MND1: variants seen among roughly 807,000 people sequenced by gnomAD.
The protein encoded by MND1 is meiotic nuclear divisions 1.
In MND1, 28 loss-of-function variants were observed where a neutral mutation model predicts 35.1. That is an observed-to-expected ratio of 0.80 (90% CI 0.59 to 1.09). MND1 has a LOEUF of 1.09. MND1 is among the 50% of genes least tolerant of loss of function. The pLI is 0.00. For missense variants in MND1, 213 were observed against 239.6 expected, an observed-to-expected ratio of 0.89 and a Z score of 0.73; for synonymous variants, 69 against 70.5, an observed-to-expected ratio of 0.98 and a Z score of 0.11.
At chr4:153,365,806 G>A (rs1773624148) in intron 4 of MND1, among the ~76,000 whole-genome samples, 1 of 152,150 alleles carries the variant, frequency 6.6e-6, no homozygotes, top group Non-Finnish European at 1.5e-5. Flanking sequence ...CAGTGGATTT[G>A]TGAAAAAATT....
At position 153,390,891 on chromosome 4, in the gene MND1, G is replaced by A. The variant is rs13124526; in HGVS notation, c.277-3371G>A. Among the ~76,000 whole-genome samples, 261 of 50,094 alleles carry A rather than the reference G, an allele frequency of 5.2e-3. 1 individual carries two copies. In the Middle Eastern group the frequency reaches 0.06, roughly 12 times the overall value. 32.9% of individuals were successfully genotyped at this position (50,094 alleles called of 152,430 possible). On this transcript the variant is annotated intron_variant, in intron 4 of 7. Transcript: ENST00000240488. ...GTCTCAAAAAAAAAGGTATATATAT[G>A]TGTGTGTGTGTGTGTGTGTGTGTGT... is the stretch of plus-strand genomic sequence containing the variant.
At chr4:153,352,005 A>T (rs1483922543) in intron 2 of MND1, among the ~76,000 whole-genome samples, 2 of 151,844 alleles carry the variant, frequency 1.3e-5, no homozygotes, top group African/African-American at 4.9e-5. Context: ...GCCTCTAATC[A>T]TAAGTGGGCT....
Position 153,371,716 on chromosome 4 carries a change from G to GAAA in MND1, c.276+13094_276+13095insAAA, listed in dbSNP as rs1561063708. ...AAAACTTTCTCTATCTCAGCAATACGGCTGTTTTGCTTTCTCATCATTTGC... is the reference window on the plus strand; with the variant it reads ...AAAACTTTCTCTATCTCAGCAATACGAAAGCTGTTTTGCTTTCTCATCATTTGC... On this transcript the variant is annotated intron_variant, in intron 4 of 7. Coordinates refer to ENST00000240488, the MANE Select transcript of MND1 (RefSeq NM_032117.4). Among the ~76,000 whole-genome samples the GAAA allele has an allele frequency of 3.9e-5, 6 of 151,978 alleles. No homozygotes were observed. The East Asian group carries it at 7.7e-4, about 19-fold the overall frequency.
At chr4:153,379,015 G>A (rs1016992245) in intron 4 of MND1, among the ~76,000 whole-genome samples, 4 of 152,080 alleles carry the variant, frequency 2.6e-5, no homozygotes, top group East Asian at 1.9e-4. Context: ...CGGGCTGCGC[G>A]CGGTGACTCA....
Position 153,358,538 on chromosome 4 carries a change from G to A in MND1, c.192G>A (p.Arg64=). 6.2e-7 allele frequency: 1 copy of A among 1,613,630 alleles called. No homozygotes were observed. Among genetic ancestry groups the A allele is most frequent in the Non-Finnish European group, 8.5e-7 (1 of 1,179,776 alleles). ...LVDDGMVDCE[R]IGTSNYYWAF... Reference sequence around the variant, plus strand: ...ATGATGGTATGGTTGACTGTGAGAGGATCGGAACTTCTAATTATTATTGGG... The same window carrying A: ...ATGATGGTATGGTTGACTGTGAGAGAATCGGAACTTCTAATTATTATTGGG... The change falls in exon 4 of 8, where the codon AGG becomes AGA. Residue 64 remains arginine, a synonymous_variant. Transcript: ENST00000240488.
At chr4:153,386,760 A>G (rs1032026035) in intron 4 of MND1, among the ~76,000 whole-genome samples, 1 of 152,172 alleles carries the variant, frequency 6.6e-6, no homozygotes, top group African/African-American at 2.4e-5. Flanking sequence ...ACCTAACTAT[A>G]TATGCAGATG....
Position 153,414,893 on chromosome 4 carries a change from G to T in MND1, c.*36G>T. ...GGTGGTGAAGGATGTACAAGCTTGT[G>T]AATATGTAAATTTTAAACTATTATC... is the stretch of plus-strand genomic sequence containing the variant. On this transcript the variant is annotated 3_prime_UTR_variant, in exon 8 of 8. Coordinates refer to ENST00000240488, the MANE Select transcript of MND1 (RefSeq NM_032117.4). 1.1e-6 allele frequency: 1 copy of T among 935,234 alleles called. No individual in the cohort carries two copies. Among genetic ancestry groups the T allele is most frequent in the South Asian group, 2.0e-5 (1 of 50,908 alleles). The allele number at this position is 935,234 out of a possible 1,614,324, so 57.9% of individuals were successfully genotyped here.
chr4:153,398,420 T>C (rs977411589), intron 6 of MND1, among the ~76,000 whole-genome samples: 1 of 152,248 alleles, frequency 6.6e-6, no homozygotes, highest in Non-Finnish European at 1.5e-5. Flanking sequence ...GCAACTAAGC[T>C]GGCCTAGTCC....
intron 4 of MND1, among the ~76,000 whole-genome samples, chr4:153,376,898 A>T (rs965249565): frequency 6.6e-6 from 1 of 152,156 alleles, no homozygotes; most frequent in African/African-American, 2.4e-5. Flanking sequence ...AGATTCAAGT[A>T]TTTGACAAGT....
At chr4:153,373,233 A>G (rs1458975080) in intron 4 of MND1, among the ~76,000 whole-genome samples, 1 of 152,150 alleles carries the variant, frequency 6.6e-6, no homozygotes, top group African/African-American at 2.4e-5. Flanking sequence ...TATCTCAACT[A>G]GTCTCAAAGT....
At position 153,409,099 on chromosome 4, in the gene MND1, G is replaced by A. The variant is rs568231795; in HGVS notation, c.511+84G>A. 52 of 770,290 alleles carry A rather than the reference G, an allele frequency of 6.8e-5. No individual in the cohort carries two copies. In the African/African-American group the frequency reaches 9.1e-4, roughly 13 times the overall value. The allele number at this position is 770,290 out of a possible 1,614,324, so 47.7% of individuals were successfully genotyped here. On this transcript the variant is annotated intron_variant, in intron 7 of 7. Transcript: ENST00000240488. The stretch of plus-strand genomic sequence containing the variant: ...CGTGAAATTCAGATACCTTGTGCTA[G>A]CTTTGTTCAAGAAAGGACGTTAATG...
At chr4:153,372,558 A>G (rs962929891) in intron 4 of MND1, among the ~76,000 whole-genome samples, 7 of 152,106 alleles carry the variant, frequency 4.6e-5, no homozygotes, top group Non-Finnish European at 1.0e-4. Context: ...GAACATACCA[A>G]TCAACCCTAA....
chr4:153,391,727 T>TACACACACACACACTC (rs1729040230), intron 4 of MND1, among the ~76,000 whole-genome samples: 1 of 142,286 alleles, frequency 7.0e-6, no homozygotes, highest in Non-Finnish European at 1.5e-5. Context: ...AACTCCATCA[T>TACACACACACACACTC]ACACACACAC....
At chr4:153,376,712 T>C (rs1195359477) in intron 4 of MND1, among the ~76,000 whole-genome samples, 1 of 152,200 alleles carries the variant, frequency 6.6e-6, no homozygotes, top group African/African-American at 2.4e-5. Flanking sequence ...TTTGTATTTG[T>C]ACCCCTGTCC....
intron 4 of MND1, chr4:153,363,009 T>C (rs1040856000): frequency 2.7e-5 from 27 of 985,308 alleles, no homozygotes; most frequent in Non-Finnish European, 3.1e-5. Flanking sequence ...CACCCCCACA[T>C]GAAGTGCAAG....
At chr4:153,380,361 T>C (rs1236367574) in intron 4 of MND1, among the ~76,000 whole-genome samples, 1 of 152,224 alleles carries the variant, frequency 6.6e-6, no homozygotes, top group African/African-American at 2.4e-5. Context: ...CTGCAGCTAC[T>C]GTGTCCTACC....
At chr4:153,382,303 C>T (rs1728732658) in intron 4 of MND1, among the ~76,000 whole-genome samples, 2 of 152,296 alleles carry the variant, frequency 1.3e-5, no homozygotes, top group South Asian at 4.1e-4. Context: ...TATATGCATT[C>T]ACCTTTCAGA....
At chr4:153,380,999 A>G (rs1166862433) in intron 4 of MND1, among the ~76,000 whole-genome samples, 3 of 151,622 alleles carry the variant, frequency 2.0e-5, no homozygotes, top group African/African-American at 7.3e-5. Flanking sequence ...TCCTGGGTTC[A>G]CGCCATTCTC....
chr4:153,382,253 A>C (rs1049721597), intron 4 of MND1, among the ~76,000 whole-genome samples: 1 of 152,188 alleles, frequency 6.6e-6, no homozygotes, highest in Non-Finnish European at 1.5e-5. Flanking sequence ...AAAGAAAGCA[A>C]TCTCAGTTTT....
Sources: allele counts gnomAD v4.1 joint callset (sites outside exome capture counted in the v4.1 genomes callset), GRCh38; gene constraint gnomAD v4.1.1; transcripts MANE v1.5; gene names NCBI Gene and HGNC (gene_info 2026-07-23, HGNC 2026-07-21).